UBE4B: variants seen among roughly 807,000 people sequenced by gnomAD.
UBE4B encodes the protein ubiquitin conjugation factor E4 B.
A neutral mutation model predicts 148.1 loss-of-function variants in UBE4B; 27 were observed. The ratio of observed to expected loss-of-function variants is 0.18; its 90% confidence interval spans 0.13 to 0.25. UBE4B has a LOEUF of 0.25. Among genes scored for constraint, UBE4B ranks in the 10% least tolerant of loss-of-function variants. The probability of loss-of-function intolerance (pLI) is 1.00; values close to 1 mark genes in which losing one functional copy is unlikely to be tolerated. For missense variants in UBE4B, 1,170 were observed against 1,662.4 expected (o/e 0.70, Z 5.15); for synonymous variants, 596 against 619.3 (o/e 0.96, Z 0.56).
intron 19 of UBE4B, 152 bp downstream of exon 19, chr1:10,147,242 G>A: frequency 7.8e-7 from 1 of 1,274,332 alleles, no homozygotes; most frequent in Non-Finnish European, 1.1e-6. Flanking sequence ...TGTAATCCCA[G>A]CACTTTGGGG....
At chr1:10,138,184 GC>G (rs1645725465) in intron 17 of UBE4B, among the ~76,000 whole-genome samples, 1 of 150,308 alleles carries the variant, frequency 6.7e-6, no homozygotes, top group Non-Finnish European at 1.5e-5. Context: ...TGTAATCTCT[GC>G]CGCCTGGGTT....
In UBE4B at chr1:10,086,193, G is replaced by C. The variant is rs546789076; in HGVS notation, c.212-9268G>C. Among the ~76,000 whole-genome samples the C allele has an allele frequency of 8.6e-5, 13 of 152,030 alleles. 1 individual carries two copies. The highest frequency in any genetic ancestry group is 7.9e-4 in the Admixed American group (12 of 15,254). On this transcript the variant is annotated intron_variant, in intron 2 of 27. Coordinates refer to ENST00000343090, the MANE Select transcript of UBE4B (RefSeq NM_001105562.3). ...TCACCGTGTTAGCCAGGATGGTCTC[G>C]ATCTCCTGACCTCGTGATCTATCTG... is the stretch of plus-strand genomic sequence containing the variant.
At chr1:10,156,029 CAAA>C (rs750295704) in intron 21 of UBE4B, among the ~76,000 whole-genome samples, 9 of 85,856 alleles carry the variant, frequency 1.0e-4, no homozygotes, top group Non-Finnish European at 9.4e-5. Context: ...GACTCCATCT[CAAA>C]AAAAAAAAAA....
intron 7 of UBE4B, among the ~76,000 whole-genome samples, chr1:10,107,736 C>G (rs968512359): frequency 2.0e-5 from 3 of 151,920 alleles, no homozygotes; most frequent in Non-Finnish European, 4.4e-5. Flanking sequence ...CGCCACCATG[C>G]CCGGCTAATT....
In UBE4B at chr1:10,137,204, A is replaced by G; in HGVS notation, c.2362A>G (p.Arg788Gly). ...RRLRAIRELN[R>G]TVEDLKNNES... ...ACTCCGGGCTATCCGGGAGCTCAAT[A>G]GGTATGTGCCATGATACCGTGTCCT... Residue 788 changes from arginine (R) to glycine (G), a missense_variant and splice_region_variant, in exon 17 of 28, where the codon AGA (arginine) becomes GGA (glycine). By Grantham distance (125) the Arg-to-Gly change is moderately radical. Around this residue, in one of 6 missense-constraint regions of UBE4B, gnomAD observed 388 missense variants for 536.0 expected, o/e 0.72. Transcript: ENST00000343090. The G allele has an allele frequency of 6.2e-7, 1 of 1,613,938 alleles. No individual in the cohort carries two copies. Among genetic ancestry groups the G allele is most frequent in the East Asian group, 2.2e-5 (1 of 44,862 alleles).
intron 14 of UBE4B, among the ~76,000 whole-genome samples, chr1:10,132,053 C>T (rs996439688): frequency 6.6e-6 from 1 of 152,082 alleles, no homozygotes; most frequent in African/African-American, 2.4e-5. Context: ...TGGCTTGAAC[C>T]TGGGAGGCGC....
intron 12 of UBE4B, 151 bp downstream of exon 12, chr1:10,129,599 A>G (rs1645558181): frequency 3.1e-6 from 2 of 646,576 alleles, no homozygotes; most frequent in Non-Finnish European, 5.4e-6. Flanking sequence ...CAACTGTTAC[A>G]TTTTTGTTAG....
intron 22 of UBE4B, 50 bp downstream of exon 22, chr1:10,158,532 G>A (rs775520461): frequency 1.3e-6 from 2 of 1,597,942 alleles, no homozygotes; most frequent in South Asian, 2.2e-5. Context: ...CAAATCGCAG[G>A]TAGGATTGCA....
At chr1:10,133,281 T>C (rs1379559894) in intron 15 of UBE4B, among the ~76,000 whole-genome samples, 3 of 152,198 alleles carry the variant, frequency 2.0e-5, no homozygotes, top group African/African-American at 7.2e-5. Flanking sequence ...ACAGATCTTG[T>C]GATTTCTGAT....
chr1:10,042,311 A>G (rs1643803465), intron 1 of UBE4B, among the ~76,000 whole-genome samples: 1 of 152,170 alleles, frequency 6.6e-6, no homozygotes, highest in South Asian at 2.1e-4. Flanking sequence ...ATAACAGACA[A>G]ACGTTGCTGT....
chr1:10,127,276 T>A (rs1349725113), intron 11 of UBE4B, among the ~76,000 whole-genome samples: 4 of 152,212 alleles, frequency 2.6e-5, no homozygotes, highest in Non-Finnish European at 4.4e-5. Flanking sequence ...AATACAATTT[T>A]ATCTTTATGT....
chr1:10,086,623 C>T (rs1285248660), intron 2 of UBE4B, among the ~76,000 whole-genome samples: 2 of 152,078 alleles, frequency 1.3e-5, no homozygotes, highest in Non-Finnish European at 2.9e-5. Context: ...AGGAATTACA[C>T]TTGTGTGATT....
intron 7 of UBE4B, among the ~76,000 whole-genome samples, chr1:10,113,279 C>T (rs969993553): frequency 1.3e-5 from 2 of 152,164 alleles, no homozygotes; most frequent in Admixed American, 1.3e-4. Flanking sequence ...AGAACTCACT[C>T]ATCACCAGGG....
intron 1 of UBE4B, among the ~76,000 whole-genome samples, chr1:10,065,746 T>C (rs1644375183): frequency 6.6e-6 from 1 of 152,204 alleles, no homozygotes; most frequent in Non-Finnish European, 1.5e-5. Context: ...TTTCATTCTT[T>C]TCATCAGAAA....
At chr1:10,077,423 A>T (rs1644603218) in intron 2 of UBE4B, among the ~76,000 whole-genome samples, 2 of 152,194 alleles carry the variant, frequency 1.3e-5, no homozygotes, top group South Asian at 2.1e-4. Flanking sequence ...ACGTCTGCTA[A>T]GACCCTCCTT....
rs374640200 is a variant in UBE4B at position 10,130,751 on chromosome 1, A to C, written c.1849A>C (p.Ile617Leu). 6.2e-7 allele frequency: 1 copy of C among 1,614,106 alleles called. No individual in the cohort carries two copies. Among genetic ancestry groups the C allele is most frequent in the Admixed American group, 1.7e-5 (1 of 59,998 alleles). Residue 617 changes from isoleucine (I) to leucine (L), a missense_variant, in exon 14 of 28, where the codon ATT (isoleucine) becomes CTT (leucine). Ile to Leu is a conservative substitution (Grantham distance 5, BLOSUM62 2). Around this residue, in one of 6 missense-constraint regions of UBE4B, gnomAD observed 388 missense variants for 536.0 expected, o/e 0.72. Transcript: ENST00000343090. ...TGAAAAATACTTCTCAGGGCCTGCC[A>C]TTACCCTGGAAAACACTCGTGTGGT... Reference protein sequence around the residue: ...VVEKYFSGPAITLENTRVVSQ... With the variant: ...VVEKYFSGPALTLENTRVVSQ...
chr1:10,060,024 G>C (rs1644254586), intron 1 of UBE4B, among the ~76,000 whole-genome samples: 1 of 152,120 alleles, frequency 6.6e-6, no homozygotes, highest in Admixed American at 6.6e-5. Context: ...AGAAGCAAGA[G>C]AGCCTGTTTG....
intron 20 of UBE4B, 26 bp downstream of exon 20, chr1:10,149,308 G>T: frequency 6.6e-7 from 1 of 1,512,708 alleles, no homozygotes. Flanking sequence ...ATTTTACATA[G>T]TTCTAATATG....
chr1:10,137,171 A>T lies in UBE4B; in HGVS notation c.2329A>T (p.Ile777Phe). ...TATTCTGCCTAGTTGCCGTCGCTAT[A>T]TCCGCAGACTCCGGGCTATCCGGGA... ...LSILPSCRRY[I>F]RRLRAIRELN... is the part of the protein sequence containing the mutation. The change falls in exon 17 of 28, where the codon ATC becomes TTC. Residue 777 changes from isoleucine to phenylalanine, a missense_variant. Ile to Phe is a conservative substitution (Grantham distance 21). Around this residue, in one of 6 missense-constraint regions of UBE4B, gnomAD observed 388 missense variants for 536.0 expected, o/e 0.72. Transcript: ENST00000343090. 1 of 1,614,060 alleles carries T rather than the reference A, an allele frequency of 6.2e-7. No homozygotes were observed. Among genetic ancestry groups the T allele is most frequent in the Non-Finnish European group, 8.5e-7 (1 of 1,180,016 alleles).
Sources: allele counts gnomAD v4.1 joint callset (sites outside exome capture counted in the v4.1 genomes callset), GRCh38; gene constraint gnomAD v4.1.1; regional missense constraint gnomAD v4.1.1; transcripts MANE v1.5; gene names NCBI Gene and HGNC (gene_info 2026-07-23, HGNC 2026-07-21).